BLNK: variants seen among roughly 807,000 people sequenced by gnomAD.
BLNK encodes B cell linker, also known as B-cell linker protein.
In BLNK, 29 loss-of-function variants were observed where a neutral mutation model predicts 73.5. The observed-to-expected ratio is 0.39, with a 90% CI of 0.29 to 0.54. BLNK has a LOEUF of 0.54. Among genes scored for constraint, BLNK ranks in the 20% least tolerant of loss-of-function variants. The pLI is 0.61. For synonymous variants in BLNK, 176 were observed against 200.8 expected (o/e 0.88, Z 1.04); for missense variants, 460 against 562.8 (o/e 0.82, Z 1.85).
At chr10:96,248,774 C>T (rs1554908354) in intron 1 of BLNK, among the ~76,000 whole-genome samples, 1 of 152,080 alleles carries the variant, frequency 6.6e-6, no homozygotes, top group African/African-American at 2.4e-5. Flanking sequence ...ATGATAGATC[C>T]ATGCAATGGA....
intron 1 of BLNK, among the ~76,000 whole-genome samples, chr10:96,262,730 C>T (rs529641778): frequency 1.3e-5 from 2 of 152,336 alleles, no homozygotes; most frequent in Admixed American, 6.5e-5. Flanking sequence ...GGATACCAGA[C>T]ACACCTGAGT....
At position 96,190,474 on chromosome 10, in the gene BLNK, C is replaced by T. The variant is rs2083311202; in HGVS notation, c.*1499G>A. Among the ~76,000 whole-genome samples the T allele has an allele frequency of 6.6e-6, 1 of 152,190 alleles. No individual in the cohort carries two copies. Among genetic ancestry groups the T allele is most frequent in the East Asian group, 1.9e-4 (1 of 5,202 alleles). ...AAGACCTCATTCCCAAATAAGGTCA[C>T]ATTCTGAGATATGTGGCCTTATGGA... On this transcript the variant is annotated 3_prime_UTR_variant, in exon 17 of 17. Coordinates refer to ENST00000224337, the MANE Select transcript of BLNK (RefSeq NM_013314.4).
chr10:96,203,117 C>T (rs782100670), intron 13 of BLNK, among the ~76,000 whole-genome samples: 1 of 152,156 alleles, frequency 6.6e-6, no homozygotes, highest in Non-Finnish European at 1.5e-5. Context: ...TTATTTGTTT[C>T]GTTCATCCTT....
chr10:96,199,193 T>C (rs965800544), intron 15 of BLNK, among the ~76,000 whole-genome samples: 2 of 152,112 alleles, frequency 1.3e-5, no homozygotes, highest in African/African-American at 4.8e-5. Context: ...AGTATGTAAA[T>C]GCTATATATT....
intron 1 of BLNK, among the ~76,000 whole-genome samples, chr10:96,248,099 C>T (rs1554908115): frequency 6.6e-6 from 1 of 152,196 alleles, no homozygotes; most frequent in South Asian, 2.1e-4. Flanking sequence ...AGACCCTCCA[C>T]TGGTAAGAAT....
intron 5 of BLNK, 116 bp downstream of exon 5, chr10:96,227,294 C>A (rs373651758): frequency 8.0e-6 from 11 of 1,379,428 alleles, no homozygotes; most frequent in Non-Finnish European, 9.8e-6. Flanking sequence ...CGGGAGCGGG[C>A]GGCTGGCAGA....
At chr10:96,245,936 A>AT (rs1352485602) in intron 2 of BLNK, among the ~76,000 whole-genome samples, 1 of 152,188 alleles carries the variant, frequency 6.6e-6, no homozygotes, top group African/African-American at 2.4e-5. Context: ...AGATTTTGAC[A>AT]TCATACAATT....
chr10:96,207,573 G>T (rs2083850083), intron 10 of BLNK, among the ~76,000 whole-genome samples: 1 of 152,264 alleles, frequency 6.6e-6, no homozygotes. Flanking sequence ...GTGGTGGGGA[G>T]TGGACACAGA....
At chr10:96,195,685 AG>A (rs2083447723) in intron 16 of BLNK, among the ~76,000 whole-genome samples, 1 of 152,222 alleles carries the variant, frequency 6.6e-6, no homozygotes, top group Non-Finnish European at 1.5e-5. Context: ...CAGTGGGTAT[AG>A]GGTTTTAGTT....
intron 1 of BLNK, 125 bp downstream of exon 1, chr10:96,271,227 A>T: frequency 9.1e-7 from 1 of 1,093,168 alleles, no homozygotes; most frequent in Non-Finnish European, 1.4e-6. Flanking sequence ...CCACTTCCCT[A>T]TAGTAAGTGC....
intron 1 of BLNK, among the ~76,000 whole-genome samples, chr10:96,249,405 G>A (rs1564845422): frequency 6.6e-6 from 1 of 152,248 alleles, no homozygotes; most frequent in African/African-American, 2.4e-5. Context: ...AACTCTGCCT[G>A]GGCAGGCCTG....
chr10:96,242,700 C>T (rs1554906528), intron 3 of BLNK, 35 bp downstream of exon 3: 1 of 1,583,772 alleles, frequency 6.3e-7, no homozygotes, highest in Non-Finnish European at 8.7e-7. Context: ...TTAAATTAGT[C>T]AAGAGTCAGT....
chr10:96,255,764 GA>G (rs1843481110), intron 1 of BLNK, among the ~76,000 whole-genome samples: 1 of 152,100 alleles, frequency 6.6e-6, no homozygotes, highest in African/African-American at 2.4e-5. Context: ...TTTACAACAG[GA>G]AAATGCAGCA....
At chr10:96,232,296 T>G (rs1335957218) in intron 3 of BLNK, among the ~76,000 whole-genome samples, 1 of 118,060 alleles carries the variant, frequency 8.5e-6, no homozygotes, top group Non-Finnish European at 2.0e-5. Context: ...TCTAGTTTTA[T>G]TTTTATGTTT....
chr10:96,227,382 G>T, intron 5 of BLNK, 28 bp downstream of exon 5: 1 of 1,609,544 alleles, frequency 6.2e-7, no homozygotes, highest in South Asian at 1.1e-5. Flanking sequence ...CTGGAAGGCC[G>T]AGTGCCCAGG....
At chr10:96,208,100 T>C (rs1229666344) in intron 9 of BLNK, among the ~76,000 whole-genome samples, 2 of 151,984 alleles carry the variant, frequency 1.3e-5, no homozygotes, top group Non-Finnish European at 2.9e-5. Context: ...TGCTGACAGA[T>C]GGGGAAGGGG....
chr10:96,247,881 C>T (rs1843115457), intron 1 of BLNK, among the ~76,000 whole-genome samples: 2 of 152,216 alleles, frequency 1.3e-5, no homozygotes, highest in Non-Finnish European at 2.9e-5. Context: ...TGGGAAACCC[C>T]TAGAAGGAAA....
chr10:96,233,220 C>T (rs1454875599), intron 3 of BLNK, among the ~76,000 whole-genome samples: 2 of 152,050 alleles, frequency 1.3e-5, no homozygotes, highest in African/African-American at 4.8e-5. Flanking sequence ...TTTATGAAAC[C>T]CACTTCCCTG....
Position 96,200,277 on chromosome 10 carries a change from A to T in BLNK, c.1012-119T>A, listed in dbSNP as rs1365977015. The T allele has an allele frequency of 1.5e-6, 1 of 663,856 alleles. No homozygotes were observed. Among genetic ancestry groups the T allele is most frequent in the African/African-American group, 1.8e-5 (1 of 55,148 alleles). 41.1% of individuals were successfully genotyped at this position (663,856 alleles called of 1,614,324 possible). On this transcript the variant is annotated intron_variant, in intron 14 of 16. Coordinates refer to ENST00000224337, the MANE Select transcript of BLNK (RefSeq NM_013314.4). This position sits in a 1 kb window ranked among gnomAD's most constrained non-coding sequence, Gnocchi z 4.3. ...ACAGGCCTCTACATTTACACCAATA[A>T]TTTTAAGATGAGTTTTATTTTTCCT... is the stretch of plus-strand genomic sequence containing the variant.
Sources: gnomAD v4.1 joint callset for allele counts (sites outside exome capture counted in the v4.1 genomes callset) on GRCh38, gnomAD v4.1.1 for gene constraint, Gnocchi (gnomAD v3.1) non-coding constraint, MANE v1.5 for transcripts, NCBI Gene and HGNC (gene_info 2026-07-23, HGNC 2026-07-21) for gene names.